TBC1D9: variants seen among roughly 807,000 people sequenced by gnomAD.
TBC1D9 encodes TBC1 domain family member 9, also known as TBC1 domain family member 9A.
TBC1D9 carries 63 observed loss-of-function variants against 132.0 expected under a neutral mutation model. That is an observed-to-expected ratio of 0.48 (90% CI 0.39 to 0.59). TBC1D9 has a LOEUF of 0.59. TBC1D9 is among the 20% of genes least tolerant of loss of function. The probability of loss-of-function intolerance (pLI) is 0.00; values close to 1 mark genes in which losing one functional copy is unlikely to be tolerated. For missense variants in TBC1D9, 1,261 were observed against 1,592.7 expected, an observed-to-expected ratio of 0.79 and a Z score of 3.54; for synonymous variants, 610 against 609.9, an observed-to-expected ratio of 1.00 and a Z score of 0.00.
In TBC1D9 at chr4:140,751,287, C is replaced by T. The variant is rs541681481; in HGVS notation, c.130+4629G>A. 5.9e-5 allele frequency among the ~76,000 whole-genome samples: 9 copies of T among 152,248 alleles called. No homozygotes were observed. In the South Asian group the frequency reaches 1.0e-3, roughly 18 times the overall value. ...AACCCAAAACAGACCCACACACATA[C>T]GGGTACTTGATTTATGACAAACGTA... On this transcript the variant is annotated intron_variant, in intron 1 of 20. Coordinates refer to ENST00000442267, the MANE Select transcript of TBC1D9 (RefSeq NM_015130.3).
intron 1 of TBC1D9, among the ~76,000 whole-genome samples, chr4:140,747,623 G>A (rs182873293): frequency 9.9e-4 from 151 of 152,248 alleles, no homozygotes; most frequent in Non-Finnish European, 2.4e-4. Context: ...GGCTCCAAGG[G>A]GGAGAGCTCT....
chr4:140,742,504 C>G lies in TBC1D9; in HGVS notation c.130+13412G>C, dbSNP rs574121634. 8.7e-5 allele frequency among the ~76,000 whole-genome samples: 12 copies of G among 137,378 alleles called. No homozygotes were observed. In the South Asian group the frequency reaches 2.9e-3, roughly 33 times the overall value. 90.1% of individuals were successfully genotyped at this position (137,378 alleles called of 152,430 possible). ...CCGAGATTGCACCACTGCATTCCAGCCTGGGCAACAGAGTGAGACTCTGTC... is the reference window on the plus strand; with the variant it reads ...CCGAGATTGCACCACTGCATTCCAGGCTGGGCAACAGAGTGAGACTCTGTC... On this transcript the variant is annotated intron_variant, in intron 1 of 20. Coordinates refer to ENST00000442267, the MANE Select transcript of TBC1D9 (RefSeq NM_015130.3).
At chr4:140,644,876 C>A (rs936604289) in intron 13 of TBC1D9, 10 of 433,728 alleles carry the variant, frequency 2.3e-5, no homozygotes, top group Admixed American at 1.4e-4. Context: ...GAGTCCCTGA[C>A]AAACTGGTAG....
At chr4:140,654,550 A>G (rs1375422166) in intron 13 of TBC1D9, among the ~76,000 whole-genome samples, 1 of 152,190 alleles carries the variant, frequency 6.6e-6, no homozygotes, top group East Asian at 1.9e-4. Flanking sequence ...TATCCCACAA[A>G]ACCTTGGTCC....
intron 1 of TBC1D9, among the ~76,000 whole-genome samples, chr4:140,717,833 G>A (rs1738361357): frequency 6.6e-6 from 1 of 152,146 alleles, no homozygotes. Flanking sequence ...GGTATCCCCA[G>A]GAGCCCCCCA....
At chr4:140,683,953 G>A (rs1238099513) in intron 3 of TBC1D9, among the ~76,000 whole-genome samples, 5 of 152,170 alleles carry the variant, frequency 3.3e-5, no homozygotes, top group Non-Finnish European at 7.3e-5. Flanking sequence ...CACTAGTCTA[G>A]AAGCTAAGGT....
chr4:140,641,581 C>T (rs1393462240), intron 13 of TBC1D9, among the ~76,000 whole-genome samples: 2 of 150,518 alleles, frequency 1.3e-5, no homozygotes, highest in East Asian at 3.9e-4. Flanking sequence ...AGCCTGACCA[C>T]AGCCTGGGGT....
chr4:140,752,931 T>C (rs989129976), intron 1 of TBC1D9, among the ~76,000 whole-genome samples: 1 of 152,158 alleles, frequency 6.6e-6, no homozygotes, highest in Non-Finnish European at 1.5e-5. Flanking sequence ...GGTGTACACA[T>C]GTACACTGAT....
chr4:140,627,594 T>A, intron 17 of TBC1D9, 67 bp from the exon 18 acceptor site: 1 of 1,031,630 alleles, frequency 9.7e-7, no homozygotes, highest in Non-Finnish European at 1.5e-6. Flanking sequence ...TATGCTTAAT[T>A]ATTAAATAAA....
At chr4:140,642,578 T>A in intron 13 of TBC1D9, 1 of 954,784 alleles carries the variant, frequency 1.0e-6, no homozygotes, top group Non-Finnish European at 1.6e-6. Context: ...TGCCAACTGC[T>A]CCTGGTCGCT....
chr4:140,716,880 A>C (rs957187012), intron 1 of TBC1D9, among the ~76,000 whole-genome samples: 2 of 151,842 alleles, frequency 1.3e-5, no homozygotes, highest in African/African-American at 4.8e-5. Flanking sequence ...TGCTGATTTA[A>C]AACATGCTCA....
At chr4:140,722,939 T>C (rs999878571) in intron 1 of TBC1D9, among the ~76,000 whole-genome samples, 2 of 152,170 alleles carry the variant, frequency 1.3e-5, no homozygotes, top group African/African-American at 4.8e-5. Flanking sequence ...TCCCCCTTTT[T>C]CTTTTCTGTC....
chr4:140,684,241 A>T (rs1288556447), intron 3 of TBC1D9, among the ~76,000 whole-genome samples: 4 of 91,446 alleles, frequency 4.4e-5, no homozygotes, highest in South Asian at 2.7e-4. Context: ...GTCCCTAATT[A>T]AAAAAAAAAA....
chr4:140,662,099 T>C lies in TBC1D9; in HGVS notation c.1597A>G (p.Asn533Asp), dbSNP rs751280116. ...TACCCAGGATGTGTGGCCTTCTCAT[T>C]GATGGCACCTGAGATATATCCAACA... ...ELWLLLSGAI[N>D]EKATHPGYYE... The change falls in exon 10 of 21, where the codon AAT becomes GAT. Residue 533 changes from asparagine (N) to aspartate (D), a missense_variant. Transcript: ENST00000442267. The C allele has an allele frequency of 6.2e-7, 1 of 1,613,086 alleles. No homozygotes were observed.
chr4:140,644,021 G>A (rs546119581), intron 13 of TBC1D9: 3 of 488,274 alleles, frequency 6.1e-6, no homozygotes, highest in African/African-American at 3.9e-5. Context: ...TCTTGGAGGG[G>A]GACAGGAGGA....
In TBC1D9 at chr4:140,669,675, T is replaced by C. The variant is rs1737504507; in HGVS notation, c.1396A>G (p.Met466Val). The C allele has an allele frequency of 1.2e-6, 2 of 1,613,690 alleles. No individual in the cohort carries two copies. The highest frequency in any genetic ancestry group is 1.7e-6 in the Non-Finnish European group (2 of 1,179,630). ...VPTATQTLMT[M>V]YRRRSPEEFN... is the part of the protein sequence containing the mutation. ...TCCTCGGGAGACCGCCGCCGATACA[T>C]GGTCATCAGGGTCTGTGTGGCTGTG... Residue 466 changes from methionine to valine, a missense_variant, in exon 8 of 21, where the codon ATG becomes GTG. Met to Val is a conservative substitution (Grantham distance 21). Around this residue, in one of 3 missense-constraint regions of TBC1D9, gnomAD observed 550 missense variants for 699.0 expected, o/e 0.79. Coordinates refer to ENST00000442267, the MANE Select transcript of TBC1D9 (RefSeq NM_015130.3).
chr4:140,652,363 T>C (rs1189565817), intron 13 of TBC1D9, among the ~76,000 whole-genome samples: 1 of 152,130 alleles, frequency 6.6e-6, no homozygotes, highest in Non-Finnish European at 1.5e-5. Context: ...TTCCTTCAGC[T>C]CTCCCCCTCC....
At chr4:140,733,698 A>C (rs1194004784) in intron 1 of TBC1D9, among the ~76,000 whole-genome samples, 1 of 152,202 alleles carries the variant, frequency 6.6e-6, no homozygotes, top group African/African-American at 2.4e-5. Context: ...GGTATATGGA[A>C]TCTAAAGGTT....
chr4:140,729,398 G>A (rs1008882859), intron 1 of TBC1D9, among the ~76,000 whole-genome samples: 6 of 151,994 alleles, frequency 3.9e-5, no homozygotes, highest in African/African-American at 1.5e-4. Flanking sequence ...ACACATTCTC[G>A]AACTGCAATT....
Sources: allele counts gnomAD v4.1 joint callset (sites outside exome capture counted in the v4.1 genomes callset), GRCh38; gene constraint gnomAD v4.1.1; regional missense constraint gnomAD v4.1.1; transcripts MANE v1.5; gene names NCBI Gene and HGNC (gene_info 2026-07-23, HGNC 2026-07-21).